The following PAK5 variants were observed in gnomAD, a reference collection of about 807,000 sequenced individuals.
PAK5 encodes serine/threonine-protein kinase PAK 5.
PAK5 carries 16 observed loss-of-function variants against 65.9 expected under a neutral mutation model. That is an observed-to-expected ratio of 0.24 (90% CI 0.16 to 0.37). The LOEUF (loss-of-function observed/expected upper bound fraction) is 0.37, where lower values mean the gene tolerates loss of function less well. PAK5 is among the 10% of genes least tolerant of loss of function. The probability of loss-of-function intolerance (pLI) is 1.00; values close to 1 mark genes in which losing one functional copy is unlikely to be tolerated. For synonymous variants in PAK5, 371 were observed against 354.9 expected, an observed-to-expected ratio of 1.05 and a Z score of -0.51; for missense variants, 785 against 903.9, an observed-to-expected ratio of 0.87 and a Z score of 1.69.
intron 2 of PAK5, among the ~76,000 whole-genome samples, chr20:9,661,868 C>T (rs951536927): frequency 6.6e-6 from 1 of 152,130 alleles, no homozygotes; most frequent in African/African-American, 2.4e-5. Context: ...AAGCCTATGG[C>T]TCCTACAACC....
rs142461885 is a variant in PAK5 at position 9,815,155 on chromosome 20, A to T, written c.-162+23607T>A. 2.1e-3 allele frequency among the ~76,000 whole-genome samples: 314 copies of T among 152,232 alleles called. 1 individual carries two copies. Among genetic ancestry groups the T allele is most frequent in the African/African-American group, 7.2e-3 (301 of 41,530 alleles). ...TCTCTCCTTCGAGAATGGCACCAAA[A>T]AATTCATGAAGGATCCGCCCCCATG... On this transcript the variant is annotated intron_variant, in intron 1 of 9. Coordinates refer to ENST00000353224, the MANE Select transcript of PAK5 (RefSeq NM_177990.4).
intron 1 of PAK5, among the ~76,000 whole-genome samples, chr20:9,745,721 G>T (rs1411415720): frequency 6.6e-6 from 1 of 151,964 alleles, no homozygotes; most frequent in Non-Finnish European, 1.5e-5. Context: ...ACATGCTTTT[G>T]GTGATACCAA....
At chr20:9,822,166 G>A (rs13043660) in intron 1 of PAK5, among the ~76,000 whole-genome samples, 15,756 of 151,796 alleles carry the variant, frequency 0.1, 940 homozygotes, top group Middle Eastern at 0.17. Flanking sequence ...GTGCATCTCT[G>A]TAGTCACAGC....
chr20:9,723,198 G>C (rs1194852120), intron 1 of PAK5, among the ~76,000 whole-genome samples: 1 of 152,202 alleles, frequency 6.6e-6, no homozygotes, highest in East Asian at 1.9e-4. Flanking sequence ...TATTAGTTAA[G>C]AGGCTATCAA....
At position 9,655,025 on chromosome 20, in the gene PAK5, C is replaced by A. The variant is rs1159193056; in HGVS notation, c.-11-10686G>T. Among the ~76,000 whole-genome samples, 3 of 152,122 alleles carry A rather than the reference C, an allele frequency of 2.0e-5. No homozygotes were observed. The East Asian group carries it at 5.8e-4, about 29-fold the overall frequency. On this transcript the variant is annotated intron_variant, in intron 2 of 9. Transcript: ENST00000353224. ...ACACATTCTGTCTACCCTGTCCACG[C>A]CACCATCATTTCTCTCTTGGGCTAT...
Position 9,652,472 on chromosome 20 carries a change from G to A in PAK5, c.-11-8133C>T, listed in dbSNP as rs566988105. ...ATTATGTGTCAAAGTTGTTATAAATGACATAGTTTCCTTTCCTTGGATTCA... is the reference window on the plus strand; with the variant it reads ...ATTATGTGTCAAAGTTGTTATAAATAACATAGTTTCCTTTCCTTGGATTCA... On this transcript the variant is annotated intron_variant, in intron 2 of 9. Transcript: ENST00000353224. Among the ~76,000 whole-genome samples, 3 of 152,256 alleles carry A rather than the reference G, an allele frequency of 2.0e-5. No individual in the cohort carries two copies. The East Asian group carries it at 5.8e-4, about 29-fold the overall frequency.
chr20:9,653,305 C>T (rs147844905), intron 2 of PAK5, among the ~76,000 whole-genome samples: 101 of 152,274 alleles, frequency 6.6e-4, no homozygotes, highest in African/African-American at 2.3e-3. Context: ...CACTACTTCA[C>T]CATGGTTTCA....
At chr20:9,835,744 A>G (rs1413353440) in intron 1 of PAK5, among the ~76,000 whole-genome samples, 1 of 152,184 alleles carries the variant, frequency 6.6e-6, no homozygotes, top group East Asian at 1.9e-4. Context: ...ATAAGACTGC[A>G]TGATGGTTTT....
chr20:9,802,910 G>GTGTATATATATATATATATATA (rs142279832), intron 1 of PAK5, among the ~76,000 whole-genome samples: 135 of 46,356 alleles, frequency 2.9e-3, no homozygotes, highest in South Asian at 7.0e-3. Context: ...ATATGTATGT[G>GTGTATATATATATATATATATA]TATATATATA....
intron 1 of PAK5, among the ~76,000 whole-genome samples, chr20:9,728,783 A>G (rs541689438): frequency 6.6e-6 from 1 of 152,150 alleles, no homozygotes; most frequent in Admixed American, 6.5e-5. Context: ...TTTGTAAATA[A>G]AGTTTTATTG....
chr20:9,642,618 C>G (rs1242985311), intron 3 of PAK5, among the ~76,000 whole-genome samples: 1 of 152,042 alleles, frequency 6.6e-6, no homozygotes, highest in Non-Finnish European at 1.5e-5. Context: ...AAGATATGGT[C>G]CACCTTATTA....
intron 1 of PAK5, among the ~76,000 whole-genome samples, chr20:9,821,058 T>C (rs2049414497): frequency 6.6e-6 from 1 of 152,144 alleles, no homozygotes; most frequent in Non-Finnish European, 1.5e-5. Flanking sequence ...CATGGTGCCC[T>C]CTGGTGTGTA....
At position 9,838,201 on chromosome 20, in the gene PAK5, G is replaced by A. The variant is rs529751716; in HGVS notation, c.-162+561C>T. 1.4e-4 allele frequency among the ~76,000 whole-genome samples: 17 copies of A among 118,936 alleles called. No individual in the cohort carries two copies. In the East Asian group the frequency reaches 4.1e-3, roughly 29 times the overall value. The allele number at this position is 118,936 out of a possible 152,430, so 78.0% of individuals were successfully genotyped here. A position where few individuals can be genotyped will look rare whatever the true frequency, so the allele number is the denominator to read the frequency against. On this transcript the variant is annotated intron_variant, in intron 1 of 9. Coordinates refer to ENST00000353224, the MANE Select transcript of PAK5 (RefSeq NM_177990.4). This position sits in a 1 kb window ranked among gnomAD's most constrained non-coding sequence, Gnocchi z 4.5. ...ACCAGGCGCGCGCGCACACACACAC[G>A]CGCGCACACACACACACACACAAAT...
chr20:9,674,459 AG>A (rs2047541571), intron 2 of PAK5, among the ~76,000 whole-genome samples: 2 of 152,236 alleles, frequency 1.3e-5, no homozygotes, highest in South Asian at 4.1e-4. Context: ...TTTCCCTCTG[AG>A]GTACTTCCCT....
chr20:9,829,815 C>T (rs907400543), intron 1 of PAK5, among the ~76,000 whole-genome samples: 17 of 152,196 alleles, frequency 1.1e-4, no homozygotes, highest in African/African-American at 2.2e-4. Context: ...TTCATAACAA[C>T]GTAGAAGCCA....
chr20:9,696,379 C>T (rs1198323397), intron 2 of PAK5, among the ~76,000 whole-genome samples: 4 of 152,020 alleles, frequency 2.6e-5, no homozygotes, highest in Non-Finnish European at 4.4e-5. Flanking sequence ...AGTTTTCAAA[C>T]TAGGAATAAC....
intron 7 of PAK5, among the ~76,000 whole-genome samples, chr20:9,544,780 T>C (rs2045318929): frequency 6.6e-6 from 1 of 152,168 alleles, no homozygotes; most frequent in Non-Finnish European, 1.5e-5. Context: ...CTTTACAAAT[T>C]AAATACACCA....
intron 2 of PAK5, among the ~76,000 whole-genome samples, chr20:9,655,187 C>T (rs143949149): frequency 3.6e-4 from 55 of 152,320 alleles, no homozygotes; most frequent in African/African-American, 1.3e-3. Flanking sequence ...TATGACTTCT[C>T]ATTGTCATTA....
intron 1 of PAK5, among the ~76,000 whole-genome samples, chr20:9,755,204 A>G (rs1282806270): frequency 6.6e-6 from 1 of 152,214 alleles, no homozygotes; most frequent in African/African-American, 2.4e-5. Flanking sequence ...TTTCTGGCAT[A>G]ATACATGACT....
Sources: gnomAD v4.1 joint callset for allele counts (sites outside exome capture counted in the v4.1 genomes callset) on GRCh38, gnomAD v4.1.1 for gene constraint, Gnocchi (gnomAD v3.1) non-coding constraint, MANE v1.5 for transcripts, NCBI Gene and HGNC (gene_info 2026-07-23, HGNC 2026-07-21) for gene names.